The following RBMS3 variants were observed in gnomAD, a reference collection of about 807,000 sequenced individuals.
The protein encoded by RBMS3 is RNA binding motif single stranded interacting protein 3.
RBMS3 carries 27 observed loss-of-function variants against 66.8 expected under a neutral mutation model. That is an observed-to-expected ratio of 0.40 (90% confidence interval 0.30 to 0.56). The LOEUF is 0.56. RBMS3 is among the 20% of genes least tolerant of loss of function. The pLI, the probability that RBMS3 is intolerant of heterozygous loss-of-function variation, is 0.40. For missense variants in RBMS3, 513 were observed against 549.5 expected (o/e 0.93, Z 0.66); for synonymous variants, 188 against 183.0 (o/e 1.03, Z -0.22).
chr3:29,931,105 A>G (rs1487864516), intron 10 of RBMS3, among the ~76,000 whole-genome samples: 2 of 152,204 alleles, frequency 1.3e-5, no homozygotes, highest in Non-Finnish European at 2.9e-5. Flanking sequence ...TTCAGAATAA[A>G]CAATCAAAAT....
In RBMS3 at chr3:29,940,548, C is replaced by T. The variant is rs149745309; in HGVS notation, c.1051-3659C>T. On this transcript the variant is annotated intron_variant, in intron 11 of 14. Transcript: ENST00000383767. Reference sequence around the variant, plus strand: ...GGGGGATCTTGAACACTGGCTTAGTCCCACTCTTCCTTTTAAAGTCCCTGG... The same window carrying T: ...GGGGGATCTTGAACACTGGCTTAGTTCCACTCTTCCTTTTAAAGTCCCTGG... Among the ~76,000 whole-genome samples, 20 of 151,876 alleles carry T rather than the reference C, an allele frequency of 1.3e-4. 1 individual carries two copies. The East Asian group carries it at 3.3e-3, about 25-fold the overall frequency.
chr3:29,991,327 C>CA, intron 14 of RBMS3, 118 bp downstream of exon 14: 1 of 1,501,056 alleles, frequency 6.7e-7, no homozygotes, highest in Non-Finnish European at 9.0e-7. Flanking sequence ...TAGCAACAGG[C>CA]ATTTATTTAG....
intron 13 of RBMS3, among the ~76,000 whole-genome samples, chr3:29,990,260 T>C (rs1014834826): frequency 6.9e-6 from 1 of 144,450 alleles, no homozygotes; most frequent in Admixed American, 7.1e-5. Flanking sequence ...AGCGACAGAA[T>C]TAACCAAGAA....
chr3:29,664,034 A>C (rs1183298491), intron 4 of RBMS3, among the ~76,000 whole-genome samples: 2 of 152,206 alleles, frequency 1.3e-5, no homozygotes, highest in African/African-American at 4.8e-5. Context: ...TTGATATATA[A>C]GTATGAACCC....
intron 3 of RBMS3, among the ~76,000 whole-genome samples, chr3:29,559,628 G>A (rs1286669660): frequency 7.5e-6 from 1 of 132,804 alleles, no homozygotes; most frequent in African/African-American, 2.8e-5. Context: ...ATTCTTGCTT[G>A]TTCCAGGATT....
chr3:29,773,629 G>A (rs1016252241), intron 6 of RBMS3, among the ~76,000 whole-genome samples: 1 of 151,994 alleles, frequency 6.6e-6, no homozygotes, highest in Non-Finnish European at 1.5e-5. Context: ...TGCTCCCGGA[G>A]TGTTTGCCCG....
chr3:29,752,902 A>ATC (rs1448329531), intron 5 of RBMS3, among the ~76,000 whole-genome samples: 4 of 152,214 alleles, frequency 2.6e-5, no homozygotes, highest in African/African-American at 9.7e-5. Context: ...CAGCAAAAAT[A>ATC]TCTTAAACAA....
At chr3:29,394,989 A>C (rs2039480762) in intron 1 of RBMS3, among the ~76,000 whole-genome samples, 2 of 152,074 alleles carry the variant, frequency 1.3e-5, no homozygotes, top group South Asian at 4.1e-4. Context: ...ACCCCACTTA[A>C]ATTTACAAAC....
At chr3:29,461,197 G>C (rs1486860271) in intron 2 of RBMS3, among the ~76,000 whole-genome samples, 1 of 152,066 alleles carries the variant, frequency 6.6e-6, no homozygotes, top group Non-Finnish European at 1.5e-5. Context: ...AATCATCCAA[G>C]GGCTGCTTTT....
At chr3:29,511,234 T>G (rs1452440056) in intron 3 of RBMS3, among the ~76,000 whole-genome samples, 2 of 152,106 alleles carry the variant, frequency 1.3e-5, no homozygotes, top group African/African-American at 4.8e-5. Context: ...GAGCAGAGGT[T>G]ACAGTGAGCT....
chr3:29,391,629 CA>C (rs1159512422), intron 1 of RBMS3, among the ~76,000 whole-genome samples: 1 of 152,138 alleles, frequency 6.6e-6, no homozygotes. Context: ...AATCTGACAT[CA>C]GGCAACAACC....
chr3:29,648,555 G>A (rs963134083), intron 4 of RBMS3, among the ~76,000 whole-genome samples: 1 of 151,972 alleles, frequency 6.6e-6, no homozygotes, highest in Non-Finnish European at 1.5e-5. Flanking sequence ...TTACAGACGT[G>A]AGCCACCACA....
intron 3 of RBMS3, among the ~76,000 whole-genome samples, chr3:29,511,696 C>A (rs1407228455): frequency 6.6e-6 from 1 of 152,110 alleles, no homozygotes; most frequent in Non-Finnish European, 1.5e-5. Flanking sequence ...AATAACACCC[C>A]TTTTGCCTTT....
chr3:29,821,361 T>C (rs2058071908), intron 6 of RBMS3, among the ~76,000 whole-genome samples: 1 of 152,164 alleles, frequency 6.6e-6, no homozygotes, highest in Non-Finnish European at 1.5e-5. Flanking sequence ...ACCTCCTGAT[T>C]ATTTTAGTCT....
At chr3:29,356,440 C>A (rs116150493) in intron 1 of RBMS3, among the ~76,000 whole-genome samples, 1,525 of 152,236 alleles carry the variant, frequency 0.01, 31 homozygotes, top group African/African-American at 0.034. Flanking sequence ...GGCCAAAGAA[C>A]CCTGTGAATA....
At chr3:29,570,206 A>T (rs927221587) in intron 3 of RBMS3, among the ~76,000 whole-genome samples, 3 of 152,118 alleles carry the variant, frequency 2.0e-5, no homozygotes, top group African/African-American at 2.4e-5. Flanking sequence ...GTGAGTACAT[A>T]GTATGTATAT....
intron 4 of RBMS3, among the ~76,000 whole-genome samples, chr3:29,663,188 A>T (rs1559547664): frequency 6.6e-6 from 1 of 152,170 alleles, no homozygotes; most frequent in Admixed American, 6.5e-5. Context: ...TGTGGAATAA[A>T]TTTTTTTAAA....
At chr3:29,741,393 G>A (rs934193755) in intron 5 of RBMS3, among the ~76,000 whole-genome samples, 2 of 152,178 alleles carry the variant, frequency 1.3e-5, no homozygotes, top group African/African-American at 4.8e-5. Context: ...TTTAGCCAAT[G>A]CAGTCATTCT....
intron 8 of RBMS3, among the ~76,000 whole-genome samples, chr3:29,896,733 T>C (rs79122895): frequency 0.022 from 3,335 of 151,676 alleles, 120 homozygotes; most frequent in African/African-American, 0.075. Context: ...TCTTGTAGCA[T>C]TCTACAGTTG....
Sources: allele counts gnomAD v4.1 joint callset (sites outside exome capture counted in the v4.1 genomes callset), GRCh38; gene constraint gnomAD v4.1.1; transcripts MANE v1.5; gene names NCBI Gene and HGNC (gene_info 2026-07-23, HGNC 2026-07-21).